CSTPP1: variants seen among roughly 807,000 people sequenced by gnomAD.
The protein encoded by CSTPP1 is UPF0705 protein C11orf49.
chr11:47,032,589 T>C, the CSTPP1 span, among the ~76,000 whole-genome samples: 1 of 152,208 alleles, frequency 6.6e-6, no homozygotes, highest in Non-Finnish European at 1.5e-5. Flanking sequence ...TTTTTAACTT[T>C]CATGTCACAG....
At chr11:47,035,765 C>A in the CSTPP1 span, among the ~76,000 whole-genome samples, 1 of 151,814 alleles carries the variant, frequency 6.6e-6, no homozygotes, top group East Asian at 1.9e-4. Flanking sequence ...TCAGGACATA[C>A]TTTTAAAAAT....
chr11:47,036,034 G>GATATAT, the CSTPP1 span, among the ~76,000 whole-genome samples: 38 of 25,390 alleles, frequency 1.5e-3, 11 homozygotes, highest in Non-Finnish European at 1.1e-3. Context: ...GGAGTGAAAA[G>GATATAT]ATATATATAT....
chr11:47,094,345 G>A, the CSTPP1 span, among the ~76,000 whole-genome samples: 1 of 152,134 alleles, frequency 6.6e-6, no homozygotes, highest in African/African-American at 2.4e-5. Flanking sequence ...TGTTCAATTG[G>A]TGTAAAGTTA....
the CSTPP1 span, among the ~76,000 whole-genome samples, chr11:47,029,503 A>G: frequency 6.6e-6 from 1 of 151,506 alleles, no homozygotes; most frequent in Non-Finnish European, 1.5e-5. Flanking sequence ...CAGCTACTTA[A>G]GAAGCTGAGG....
chr11:46,988,139 G>A, the CSTPP1 span, among the ~76,000 whole-genome samples: 3 of 152,176 alleles, frequency 2.0e-5, no homozygotes, highest in Non-Finnish European at 4.4e-5. Flanking sequence ...TAACCACTGT[G>A]GAGAACAGTT....
chr11:47,144,228 G>A, the CSTPP1 span, among the ~76,000 whole-genome samples: 2 of 151,996 alleles, frequency 1.3e-5, no homozygotes, highest in Non-Finnish European at 2.9e-5. Flanking sequence ...TTGCTCTGTT[G>A]CCCAGGCTGG....
At chr11:47,058,647 T>G in the CSTPP1 span, among the ~76,000 whole-genome samples, 3 of 152,210 alleles carry the variant, frequency 2.0e-5, no homozygotes, top group African/African-American at 7.2e-5. Context: ...CTATGTAGAT[T>G]ATCTCATTTT....
the CSTPP1 span, chr11:47,159,745 C>T: frequency 2.6e-5 from 12 of 455,898 alleles, no homozygotes; most frequent in Admixed American, 2.8e-4. Flanking sequence ...GTGGCTCACG[C>T]CTGTAATCCC....
the CSTPP1 span, among the ~76,000 whole-genome samples, chr11:46,961,856 A>C: frequency 6.6e-6 from 1 of 152,180 alleles, no homozygotes; most frequent in East Asian, 1.9e-4. Flanking sequence ...GTATTAGTCC[A>C]TTCTCACACT....
At chr11:46,981,604 G>A in the CSTPP1 span, among the ~76,000 whole-genome samples, 1 of 152,108 alleles carries the variant, frequency 6.6e-6, no homozygotes, top group African/African-American at 2.4e-5. Flanking sequence ...GCACTTTGTA[G>A]GTTTTTGGAT....
At chr11:46,997,034 T>A in the CSTPP1 span, among the ~76,000 whole-genome samples, 1 of 152,236 alleles carries the variant, frequency 6.6e-6, no homozygotes, top group Non-Finnish European at 1.5e-5. Context: ...TTTTGTGTCT[T>A]GGAGTTGCTC....
At chr11:46,976,064 G>A in the CSTPP1 span, among the ~76,000 whole-genome samples, 1 of 152,138 alleles carries the variant, frequency 6.6e-6, no homozygotes. Context: ...GAAAAAGATG[G>A]AGAAAAAGAA....
the CSTPP1 span, among the ~76,000 whole-genome samples, chr11:47,071,157 A>G: frequency 2.9e-4 from 44 of 152,350 alleles, no homozygotes; most frequent in East Asian, 8.1e-3. Flanking sequence ...TGGCAGATAC[A>G]TAGTCTCTTT....
chr11:47,024,333 T>A, the CSTPP1 span, among the ~76,000 whole-genome samples: 3 of 151,974 alleles, frequency 2.0e-5, no homozygotes, highest in Non-Finnish European at 2.9e-5. Flanking sequence ...CCCAAAGTGC[T>A]GGGATTACAA....
the CSTPP1 span, chr11:47,161,732 C>G: frequency 2.0e-6 from 3 of 1,475,610 alleles, no homozygotes; most frequent in Non-Finnish European, 2.7e-6. Flanking sequence ...CCTTGCTGTG[C>G]TGCCCTCTGC....
the CSTPP1 span, among the ~76,000 whole-genome samples, chr11:46,976,999 A>G: frequency 1.3e-5 from 2 of 152,232 alleles, no homozygotes; most frequent in Non-Finnish European, 2.9e-5. Flanking sequence ...CAGCAAGTTC[A>G]TCTTCTGAAC....
the CSTPP1 span, among the ~76,000 whole-genome samples, chr11:47,148,383 C>A: frequency 6.6e-6 from 1 of 151,846 alleles, no homozygotes; most frequent in Non-Finnish European, 1.5e-5. Flanking sequence ...ATGACTGACA[C>A]CTTGACTTGC....
the CSTPP1 span, among the ~76,000 whole-genome samples, chr11:46,954,782 C>G: frequency 4.4e-4 from 66 of 150,818 alleles, no homozygotes; most frequent in Non-Finnish European, 8.4e-4. Context: ...TCTCACTCCT[C>G]AGAGGAGGCC....
the CSTPP1 span, among the ~76,000 whole-genome samples, chr11:46,944,100 C>T: frequency 1.3e-5 from 2 of 151,840 alleles, no homozygotes; most frequent in African/African-American, 4.8e-5. Flanking sequence ...GGTGGATCAC[C>T]TGAGGTCAGG....
Sources: gnomAD v4.1 joint callset for allele counts (sites outside exome capture counted in the v4.1 genomes callset) on GRCh38, gnomAD v4.1.1 for gene constraint, MANE v1.5 for transcripts, NCBI Gene and HGNC (gene_info 2026-07-23, HGNC 2026-07-21) for gene names.